UNC13C: variants seen among roughly 807,000 people sequenced by gnomAD.
UNC13C encodes unc-13 homolog C.
Under a neutral mutation model 245.4 loss-of-function variants are expected in UNC13C, and 174 were observed. The observed-to-expected ratio is 0.71, with a 90% CI of 0.63 to 0.80. The LOEUF (loss-of-function observed/expected upper bound fraction) is 0.80, where lower values mean the gene tolerates loss of function less well. Ranked by LOEUF, UNC13C falls within the 30% of genes least tolerant of loss-of-function variation. UNC13C has a pLI of 0.00. For synonymous variants in UNC13C, 992 were observed against 895.1 expected, an observed-to-expected ratio of 1.11 and a Z score of -1.93; for missense variants, 2,829 against 2,602.9, an observed-to-expected ratio of 1.09 and a Z score of -1.89.
intron 2 of UNC13C, among the ~76,000 whole-genome samples, chr15:54,057,978 T>C (rs957213822): frequency 2.0e-5 from 3 of 152,086 alleles, no homozygotes; most frequent in Non-Finnish European, 2.9e-5. Context: ...AGAGGGAAAT[T>C]TATAGCATTA....
rs569264131 is a variant in UNC13C, at chr15:54,102,013, C to A, written c.2984-41005C>A. Among the ~76,000 whole-genome samples the A allele has an allele frequency of 4.7e-5, 7 of 150,356 alleles. No homozygotes were observed. In the South Asian group the frequency reaches 1.5e-3, roughly 32 times the overall value. On this transcript the variant is annotated intron_variant, in intron 2 of 32. Transcript: ENST00000260323. ...TCAGTGCTCTTTGCATTACAGCATTCTTGCATATGTATTATCTCATTTGAC... is the reference window on the plus strand; with the variant it reads ...TCAGTGCTCTTTGCATTACAGCATTATTGCATATGTATTATCTCATTTGAC...
chr15:54,101,997 T>C (rs1050694027), intron 2 of UNC13C, among the ~76,000 whole-genome samples: 2 of 150,804 alleles, frequency 1.3e-5, no homozygotes, highest in East Asian at 1.9e-4. Context: ...TTCAGTGCTC[T>C]TTGCATTACA....
chr15:53,981,264 C>A (rs1157775083), intron 1 of UNC13C, among the ~76,000 whole-genome samples: 1 of 152,154 alleles, frequency 6.6e-6, no homozygotes, highest in East Asian at 1.9e-4. Flanking sequence ...TTCTGTTATT[C>A]ATTCTTTCCA....
intron 19 of UNC13C, among the ~76,000 whole-genome samples, chr15:54,429,986 T>A (rs527396255): frequency 1.3e-5 from 2 of 151,692 alleles, no homozygotes; most frequent in African/African-American, 4.8e-5. Flanking sequence ...AAACACTTTA[T>A]TTCCAAAATA....
chr15:54,266,941 G>A (rs74013575), intron 10 of UNC13C, among the ~76,000 whole-genome samples: 3,829 of 152,044 alleles, frequency 0.025, 158 homozygotes, highest in African/African-American at 0.088. Flanking sequence ...TTCATTCAAC[G>A]TAATTATTTT....
intron 4 of UNC13C, among the ~76,000 whole-genome samples, chr15:54,179,588 A>G (rs1166519222): frequency 6.6e-6 from 1 of 152,108 alleles, no homozygotes; most frequent in Non-Finnish European, 1.5e-5. Context: ...GAAGCTCTGA[A>G]AGAAAGAATA....
intron 2 of UNC13C, among the ~76,000 whole-genome samples, chr15:54,043,349 C>A (rs933042110): frequency 2.0e-5 from 3 of 152,160 alleles, no homozygotes; most frequent in Admixed American, 2.0e-4. Context: ...GAACATGTGT[C>A]ACTTCATGTA....
chr15:54,271,949 G>A (rs950339111), intron 10 of UNC13C, among the ~76,000 whole-genome samples: 1 of 152,150 alleles, frequency 6.6e-6, no homozygotes, highest in South Asian at 2.1e-4. Context: ...GTAAAGCACT[G>A]TAGTTAAGTA....
intron 30 of UNC13C, among the ~76,000 whole-genome samples, chr15:54,615,088 C>G (rs956104149): frequency 2.6e-5 from 4 of 151,894 alleles, no homozygotes; most frequent in African/African-American, 9.7e-5. Context: ...CTGGATTAAC[C>G]TTAGCCACTT....
At chr15:54,280,658 G>T (rs2036956990) in intron 10 of UNC13C, among the ~76,000 whole-genome samples, 1 of 139,842 alleles carries the variant, frequency 7.2e-6, no homozygotes, top group African/African-American at 2.6e-5. Context: ...ATATATGTAT[G>T]TATATACATA....
intron 17 of UNC13C, among the ~76,000 whole-genome samples, chr15:54,344,677 G>C (rs1032121918): frequency 2.0e-5 from 3 of 152,260 alleles, no homozygotes; most frequent in South Asian, 4.1e-4. Context: ...TCTCCCCTCA[G>C]TTGGCTGCAA....
chr15:54,413,619 T>G (rs12909324), intron 18 of UNC13C, among the ~76,000 whole-genome samples: 1 of 152,184 alleles, frequency 6.6e-6, no homozygotes, highest in African/African-American at 2.4e-5. Context: ...CTGATTTAAG[T>G]TTTAAAATCG....
chr15:54,420,155 A>G (rs941859871), intron 19 of UNC13C, among the ~76,000 whole-genome samples: 1 of 152,126 alleles, frequency 6.6e-6, no homozygotes, highest in African/African-American at 2.4e-5. Context: ...TGTATCAGTT[A>G]CCTATTATGA....
chr15:54,406,373 C>A (rs2040293665), intron 18 of UNC13C, among the ~76,000 whole-genome samples: 1 of 152,080 alleles, frequency 6.6e-6, no homozygotes, highest in South Asian at 2.1e-4. Flanking sequence ...TTATTTCCTG[C>A]TTCAGAGAAA....
intron 2 of UNC13C, among the ~76,000 whole-genome samples, chr15:54,084,420 G>C (rs4313754): frequency 0.47 from 71,244 of 152,070 alleles, 18,693 homozygotes; most frequent in Non-Finnish European, 0.6. Context: ...TATCTACCTT[G>C]TTTCCTTCTT....
At chr15:54,333,959 C>A in intron 16 of UNC13C, 103 bp downstream of exon 16, 1 of 770,272 alleles carries the variant, frequency 1.3e-6, no homozygotes, top group Non-Finnish European at 2.2e-6. Flanking sequence ...ACTGTGTTAA[C>A]TCCATCGATT....
Position 54,215,095 on chromosome 15 carries a change from G to T in UNC13C, c.3072-19935G>T, listed in dbSNP as rs75288467. On this transcript the variant is annotated intron_variant, in intron 4 of 32. Transcript: ENST00000260323. ...AGTAAGGTTTTTGGTATAGGTAATT[G>T]CAAGCTCTAGAAAAGTCTGTATTTT... 5.9e-3 allele frequency among the ~76,000 whole-genome samples: 892 copies of T among 151,924 alleles called. 52 individuals carry two copies. In the East Asian group the frequency reaches 0.1, roughly 18 times the overall value.
At chr15:54,601,805 G>A (rs1002257353) in intron 30 of UNC13C, among the ~76,000 whole-genome samples, 3 of 152,264 alleles carry the variant, frequency 2.0e-5, no homozygotes, top group South Asian at 2.1e-4. Context: ...TAGGGTGACT[G>A]CCATTCACTT....
At chr15:54,447,824 T>C (rs1288111071) in intron 19 of UNC13C, among the ~76,000 whole-genome samples, 3 of 152,194 alleles carry the variant, frequency 2.0e-5, no homozygotes, top group Admixed American at 1.3e-4. Context: ...AGCTTTTGAA[T>C]GTGTTTGCTC....
Sources: gnomAD v4.1 joint callset for allele counts (sites outside exome capture counted in the v4.1 genomes callset) on GRCh38, gnomAD v4.1.1 for gene constraint, MANE v1.5 for transcripts, NCBI Gene and HGNC (gene_info 2026-07-23, HGNC 2026-07-21) for gene names.